The following SGCZ variants were observed in gnomAD, a reference collection of about 807,000 sequenced individuals.
The protein encoded by SGCZ is zeta-sarcoglycan.
In SGCZ, 40 loss-of-function variants were observed where a neutral mutation model predicts 41.3. The observed-to-expected ratio is 0.97, with a 90% confidence interval of 0.75 to 1.26. The LOEUF is 1.26. SGCZ is among the 50% of genes most tolerant of loss of function. SGCZ has a pLI of 0.00. For missense variants in SGCZ, 552 were observed against 369.8 expected, an observed-to-expected ratio of 1.49 and a Z score of -4.04; for synonymous variants, 206 against 137.5, an observed-to-expected ratio of 1.50 and a Z score of -3.49.
At chr8:14,862,441 G>A (rs370123492) in intron 1 of SGCZ, among the ~76,000 whole-genome samples, 2 of 150,140 alleles carry the variant, frequency 1.3e-5, no homozygotes, top group African/African-American at 2.5e-5. Context: ...TATAATGCAC[G>A]AATTATTTGA....
chr8:14,390,414 A>C (rs1804728674), intron 2 of SGCZ, among the ~76,000 whole-genome samples: 1 of 151,932 alleles, frequency 6.6e-6, no homozygotes, highest in African/African-American at 2.4e-5. Flanking sequence ...TGTTTAGAGC[A>C]CTAATGGTGA....
intron 4 of SGCZ, among the ~76,000 whole-genome samples, chr8:14,186,968 A>G (rs1370536566): frequency 6.6e-6 from 1 of 152,126 alleles, no homozygotes; most frequent in African/African-American, 2.4e-5. Flanking sequence ...CCATGGAGCA[A>G]TTCATGCCCC....
intron 1 of SGCZ, among the ~76,000 whole-genome samples, chr8:14,693,281 T>C (rs934565718): frequency 1.4e-5 from 2 of 138,874 alleles, no homozygotes; most frequent in African/African-American, 5.6e-5. Context: ...TCAAAAAAGA[T>C]TAATTGAATA....
At chr8:15,132,435 C>G (rs1287807415) in intron 1 of SGCZ, among the ~76,000 whole-genome samples, 2 of 152,088 alleles carry the variant, frequency 1.3e-5, no homozygotes, top group Admixed American at 6.6e-5. Context: ...CATCACATGC[C>G]TCATGGAGAT....
chr8:14,524,383 G>T (rs1285075118), intron 2 of SGCZ, among the ~76,000 whole-genome samples: 4 of 151,892 alleles, frequency 2.6e-5, no homozygotes, highest in African/African-American at 9.7e-5. Context: ...CACTAGGCTA[G>T]GTCTCCAGTG....
chr8:15,014,178 G>C (rs959195135), intron 1 of SGCZ, among the ~76,000 whole-genome samples: 1 of 152,176 alleles, frequency 6.6e-6, no homozygotes, highest in Non-Finnish European at 1.5e-5. Context: ...GGAGCACTGT[G>C]GTAGCTGAGA....
chr8:14,856,049 A>G (rs1803535843), intron 1 of SGCZ, among the ~76,000 whole-genome samples: 1 of 152,234 alleles, frequency 6.6e-6, no homozygotes, highest in Non-Finnish European at 1.5e-5. Context: ...TGACGTTTAT[A>G]ACCCTATGAC....
At chr8:14,674,366 A>G (rs1414668083) in intron 1 of SGCZ, among the ~76,000 whole-genome samples, 2 of 152,166 alleles carry the variant, frequency 1.3e-5, no homozygotes, top group African/African-American at 4.8e-5. Flanking sequence ...TGTTCAAAGT[A>G]ATTAAAACAG....
At chr8:14,534,072 C>A (rs1217657120) in intron 2 of SGCZ, among the ~76,000 whole-genome samples, 1 of 151,968 alleles carries the variant, frequency 6.6e-6, no homozygotes, top group Non-Finnish European at 1.5e-5. Flanking sequence ...TGTAGTCAGA[C>A]AAATGTGAAT....
At chr8:14,828,320 T>G (rs1802410173) in intron 1 of SGCZ, among the ~76,000 whole-genome samples, 1 of 152,182 alleles carries the variant, frequency 6.6e-6, no homozygotes. Context: ...GTTATCTTAT[T>G]TGTATCCTAA....
chr8:14,816,672 A>T (rs1801911261), intron 1 of SGCZ, among the ~76,000 whole-genome samples: 1 of 150,860 alleles, frequency 6.6e-6, no homozygotes, highest in African/African-American at 2.5e-5. Flanking sequence ...ACCATGTTAA[A>T]ATCACAGAAT....
chr8:14,575,932 A>AAAAAAAAAAAAAG (rs1563126402), intron 1 of SGCZ, among the ~76,000 whole-genome samples: 1 of 136,438 alleles, frequency 7.3e-6, no homozygotes, highest in Non-Finnish European at 1.5e-5. Flanking sequence ...AAAAAAAAAA[A>AAAAAAAAAAAAAG]AAAGAAAGAA....
chr8:14,632,233 C>T (rs984033654), intron 1 of SGCZ, among the ~76,000 whole-genome samples: 1 of 151,864 alleles, frequency 6.6e-6, no homozygotes, highest in Non-Finnish European at 1.5e-5. Context: ...ATGTTGCCCA[C>T]GCTTGTCTTG....
intron 2 of SGCZ, among the ~76,000 whole-genome samples, chr8:14,524,336 C>T (rs1055055124): frequency 2.6e-4 from 39 of 151,894 alleles, no homozygotes; most frequent in African/African-American, 9.4e-4. Flanking sequence ...GCAAAGTTCT[C>T]ACTGCTCCTG....
intron 2 of SGCZ, among the ~76,000 whole-genome samples, chr8:14,465,934 G>T (rs922733211): frequency 6.6e-6 from 1 of 150,902 alleles, no homozygotes; most frequent in African/African-American, 2.5e-5. Context: ...ACCAGCTTTA[G>T]ACTAATAAGT....
At chr8:14,693,653 C>T (rs374997889) in intron 1 of SGCZ, among the ~76,000 whole-genome samples, 1 of 133,056 alleles carries the variant, frequency 7.5e-6, no homozygotes, top group Non-Finnish European at 1.5e-5. Context: ...TGCAGTGGCG[C>T]GATCTCAGCT....
chr8:14,703,582 T>TA (rs1809239082), intron 1 of SGCZ, among the ~76,000 whole-genome samples: 1 of 152,008 alleles, frequency 6.6e-6, no homozygotes. Flanking sequence ...TCTAGTCTAT[T>TA]TGGTATATAC....
intron 5 of SGCZ, among the ~76,000 whole-genome samples, chr8:14,123,783 G>A (rs1224473714): frequency 6.6e-6 from 1 of 152,128 alleles, no homozygotes; most frequent in African/African-American, 2.4e-5. Context: ...TGAAACCTGT[G>A]AATATGTCAC....
chr8:14,706,278 G>A (rs1388367587), intron 1 of SGCZ, among the ~76,000 whole-genome samples: 1 of 151,798 alleles, frequency 6.6e-6, no homozygotes, highest in South Asian at 2.1e-4. Context: ...TCTAGTTCAC[G>A]CTCTTTAAAC....
Sources: allele counts gnomAD v4.1 joint callset (sites outside exome capture counted in the v4.1 genomes callset), GRCh38; gene constraint gnomAD v4.1.1; transcripts MANE v1.5; gene names NCBI Gene and HGNC (gene_info 2026-07-23, HGNC 2026-07-21).